The following FRK variants were observed in gnomAD, a reference collection of about 807,000 sequenced individuals.
FRK encodes the protein tyrosine-protein kinase FRK.
Under a neutral mutation model 56.4 loss-of-function variants are expected in FRK, and 51 were observed. The ratio of observed to expected loss-of-function variants is 0.90; its 90% confidence interval spans 0.72 to 1.14. FRK has a LOEUF of 1.14. FRK is among the 50% of genes most tolerant of loss of function. The pLI, the probability that FRK is intolerant of heterozygous loss-of-function variation, is 0.00. For missense variants in FRK, 570 were observed against 601.4 expected, an observed-to-expected ratio of 0.95 and a Z score of 0.55; for synonymous variants, 245 against 217.9, an observed-to-expected ratio of 1.12 and a Z score of -1.10.
At chr6:116,002,867 T>C (rs896224681) in intron 2 of FRK, 8 of 347,166 alleles carry the variant, frequency 2.3e-5, no homozygotes, top group Non-Finnish European at 4.8e-5. Flanking sequence ...GACTACCAGG[T>C]GTGGAGAAGG....
intron 1 of FRK, among the ~76,000 whole-genome samples, chr6:116,020,921 T>C (rs116074608): frequency 0.011 from 1,741 of 152,232 alleles, 24 homozygotes; most frequent in African/African-American, 0.036. Flanking sequence ...TTACTTTTGA[T>C]ATGAATACAG....
At chr6:116,076,733 T>C in the FRK span, among the ~76,000 whole-genome samples, 1 of 152,216 alleles carries the variant, frequency 6.6e-6, no homozygotes, top group Non-Finnish European at 1.5e-5. Context: ...TGCAGTGAGC[T>C]GGCTGCACAA....
chr6:115,994,338 C>CCTTT (rs1554230544), intron 2 of FRK, among the ~76,000 whole-genome samples: 9 of 91,766 alleles, frequency 9.8e-5, no homozygotes, highest in East Asian at 2.8e-4. Context: ...CCCCCCCCGC[C>CCTTT]TTTTTTTTGT....
intron 2 of FRK, among the ~76,000 whole-genome samples, chr6:115,974,935 G>C (rs1477371820): frequency 6.6e-6 from 1 of 152,104 alleles, no homozygotes; most frequent in African/African-American, 2.4e-5. Flanking sequence ...TGTGAGGGCA[G>C]GGGCTCTGCT....
the FRK span, among the ~76,000 whole-genome samples, chr6:116,091,711 C>T: frequency 6.6e-6 from 1 of 152,266 alleles, no homozygotes; most frequent in East Asian, 1.9e-4. Flanking sequence ...CTAGTGTGGC[C>T]GTCAGACTGA....
At chr6:115,943,443 T>A (rs1242918555) in intron 6 of FRK, among the ~76,000 whole-genome samples, 2 of 149,670 alleles carry the variant, frequency 1.3e-5, no homozygotes, top group African/African-American at 4.9e-5. Context: ...CTACTACATT[T>A]GGAGAATTAA....
intron 5 of FRK, among the ~76,000 whole-genome samples, chr6:115,949,719 G>C (rs1158346582): frequency 6.6e-6 from 1 of 152,154 alleles, no homozygotes; most frequent in Non-Finnish European, 1.5e-5. Flanking sequence ...AGCCCGTATA[G>C]CCAAGACAAT....
At chr6:116,089,473 T>C in the FRK span, among the ~76,000 whole-genome samples, 1 of 152,222 alleles carries the variant, frequency 6.6e-6, no homozygotes, top group Non-Finnish European at 1.5e-5. Context: ...ACAGATTGGG[T>C]GGCTTGAATA....
At chr6:116,038,436 G>C (rs1459826979) in intron 1 of FRK, among the ~76,000 whole-genome samples, 1 of 152,090 alleles carries the variant, frequency 6.6e-6, no homozygotes, top group Non-Finnish European at 1.5e-5. Context: ...AAAAAAGAGA[G>C]TGTGAGAAGG....
At chr6:116,071,065 T>C in the FRK span, among the ~76,000 whole-genome samples, 4 of 152,292 alleles carry the variant, frequency 2.6e-5, no homozygotes, top group South Asian at 8.3e-4. Flanking sequence ...GCCTTGGGCC[T>C]TGGAAGATAA....
chr6:115,944,522 A>ATT, intron 5 of FRK, 97 bp from the exon 6 acceptor site: 1 of 849,470 alleles, frequency 1.2e-6, no homozygotes, highest in South Asian at 1.8e-5. Context: ...TATCAGTGAG[A>ATT]TTAAGTACAA....
intron 4 of FRK, among the ~76,000 whole-genome samples, chr6:115,957,164 T>C (rs1773033683): frequency 6.6e-6 from 1 of 152,200 alleles, no homozygotes; most frequent in Non-Finnish European, 1.5e-5. Context: ...TTTTCACATG[T>C]TTTATATGTT....
chr6:116,085,373 G>A, the FRK span, among the ~76,000 whole-genome samples: 1 of 152,174 alleles, frequency 6.6e-6, no homozygotes, highest in African/African-American at 2.4e-5. Flanking sequence ...GTGTGAAGTA[G>A]TGAAAGGGGA....
intron 1 of FRK, among the ~76,000 whole-genome samples, chr6:116,052,814 C>T (rs1277226968): frequency 6.6e-6 from 1 of 152,112 alleles, no homozygotes; most frequent in Non-Finnish European, 1.5e-5. Context: ...ACACCTGTTA[C>T]AGGGAAAGAA....
intron 1 of FRK, among the ~76,000 whole-genome samples, chr6:116,031,364 T>G (rs1776298647): frequency 6.6e-6 from 1 of 152,124 alleles, no homozygotes; most frequent in African/African-American, 2.4e-5. Flanking sequence ...AAAATATATT[T>G]TAGTAACATT....
At chr6:115,954,539 G>C (rs1772912005) in intron 5 of FRK, among the ~76,000 whole-genome samples, 1 of 152,190 alleles carries the variant, frequency 6.6e-6, no homozygotes, top group African/African-American at 2.4e-5. Context: ...ATGAAAAGTA[G>C]AGATGATGCC....
intron 1 of FRK, among the ~76,000 whole-genome samples, chr6:116,044,027 G>A (rs953792791): frequency 3.3e-5 from 5 of 152,008 alleles, no homozygotes; most frequent in African/African-American, 7.2e-5. Context: ...CTCCCAAGTC[G>A]AAACCAGAAA....
At chr6:116,058,770 G>GCCCA (rs1777495172) in intron 1 of FRK, among the ~76,000 whole-genome samples, 1 of 152,184 alleles carries the variant, frequency 6.6e-6, no homozygotes, top group African/African-American at 2.4e-5. Context: ...AATTAGCCGG[G>GCCCA]CGTGGTGGCA....
At chr6:115,966,451 G>T (rs1379376257) in intron 4 of FRK, among the ~76,000 whole-genome samples, 1 of 152,214 alleles carries the variant, frequency 6.6e-6, no homozygotes, top group East Asian at 1.9e-4. Flanking sequence ...AAACTTTTAA[G>T]TATTCCACAG....
Sources: gnomAD v4.1 joint callset for allele counts (sites outside exome capture counted in the v4.1 genomes callset) on GRCh38, gnomAD v4.1.1 for gene constraint, MANE v1.5 for transcripts, NCBI Gene and HGNC (gene_info 2026-07-23, HGNC 2026-07-21) for gene names.